Variants in AREG observed in about 807,000 individuals in gnomAD.
AREG encodes the protein amphiregulin.
AREG carries 16 observed loss-of-function variants against 28.0 expected under a neutral mutation model. The ratio of observed to expected loss-of-function variants is 0.57; its 90% CI spans 0.39 to 0.87. The LOEUF is 0.87. Among genes scored for constraint, AREG ranks in the 40% least tolerant of loss-of-function variants. The probability of loss-of-function intolerance (pLI) is 0.00; values close to 1 mark genes in which losing one functional copy is unlikely to be tolerated. For missense variants in AREG, 287 were observed against 309.1 expected (o/e 0.93, Z 0.53); for synonymous variants, 113 against 113.5 (o/e 1.00, Z 0.02).
intron 5 of AREG, 143 bp downstream of exon 5, chr4:74,452,798 A>C (rs905665865): frequency 4.5e-5 from 34 of 752,716 alleles, no homozygotes; most frequent in African/African-American, 4.2e-4. Context: ...TTATTCTTTG[A>C]GTATAAGATG....
At chr4:74,448,598 A>G (rs1719329481) in intron 2 of AREG, 1 of 166,282 alleles carries the variant, frequency 6.0e-6, no homozygotes, top group Non-Finnish European at 1.3e-5. Flanking sequence ...CATAACTGCA[A>G]GACTGAACAA....
intron 3 of AREG, 28 bp downstream of exon 3, chr4:74,449,276 T>C (rs377273255): frequency 0.21 from 344,050 of 1,612,842 alleles, 40,821 homozygotes; most frequent in Admixed American, 0.48. Flanking sequence ...ATATAGAATT[T>C]TGTATTTCTA....
chr4:74,449,260 T>G lies in AREG; in HGVS notation c.512+12T>G. The G allele has an allele frequency of 6.2e-7, 1 of 1,613,506 alleles. No individual in the cohort carries two copies. Among genetic ancestry groups the G allele is most frequent in the African/African-American group, 1.3e-5 (1 of 74,972 alleles). On this transcript the variant is annotated intron_variant, in intron 3 of 5. Coordinates refer to ENST00000395748, the MANE Select transcript of AREG (RefSeq NM_001657.4). ...GCAGTAACATGCAAGTAAGTTTTCC[T>G]AAAGCATATAGAATTTTGTATTTCT...
At position 74,446,718 on chromosome 4, in the gene AREG, C is replaced by A; in HGVS notation, c.246C>A (p.Asp82Glu). 1 of 1,613,982 alleles carries A rather than the reference C, an allele frequency of 6.2e-7. No individual in the cohort carries two copies. The highest frequency in any genetic ancestry group is 8.5e-7 in the Non-Finnish European group (1 of 1,179,876). ...SSEPSSGADY[D>E]YSEEYDNEPQ... The stretch of plus-strand genomic sequence containing the variant: ...AACCGTCCTCGGGAGCCGACTATGA[C>A]TACTCAGAAGAGTATGATAACGAAC... The change falls in exon 2 of 6, where the codon GAC (aspartate) becomes GAA (glutamate). Residue 82 changes from aspartate to glutamate, a missense_variant. Coordinates refer to ENST00000395748, the MANE Select transcript of AREG (RefSeq NM_001657.4).
chr4:74,454,887 C>T lies in AREG; in HGVS notation c.*147C>T. On this transcript the variant is annotated 3_prime_UTR_variant, in exon 6 of 6. Coordinates refer to ENST00000395748, the MANE Select transcript of AREG (RefSeq NM_001657.4). ...AAACTTTCAATTGTCACTTTTTATG[C>T]TATTTCTGTATATAAAGGTGCACGA... 4.3e-6 allele frequency: 3 copies of T among 698,244 alleles called. No homozygotes were observed. The highest frequency in any genetic ancestry group is 2.6e-6 in the Non-Finnish European group (1 of 382,696). The allele number at this position is 698,244 out of a possible 1,614,324, so 43.3% of individuals were successfully genotyped here.
intron 4 of AREG, among the ~76,000 whole-genome samples, 168 bp from the exon 5 acceptor site, chr4:74,452,376 C>G (rs1350613406): frequency 6.6e-6 from 1 of 152,132 alleles, no homozygotes; most frequent in Non-Finnish European, 1.5e-5. Context: ...TAAATACCCC[C>G]TTAGAAATTG....
chr4:74,445,298 G>C lies in AREG; in HGVS notation c.-48G>C, dbSNP rs1228466324. 2.5e-6 allele frequency: 4 copies of C among 1,596,050 alleles called. No individual in the cohort carries two copies. In the East Asian group the frequency reaches 6.8e-5, roughly 27 times the overall value. The stretch of plus-strand genomic sequence containing the variant: ...CGTTTTGGCGGCAGCTCGTGTCCCA[G>C]AGACCGAGTTGCCCCAGAGACCGAG... On this transcript the variant is annotated 5_prime_UTR_variant, in exon 1 of 6. Transcript: ENST00000395748.
intron 1 of AREG, among the ~76,000 whole-genome samples, chr4:74,445,766 A>T (rs1255684635): frequency 2.6e-5 from 4 of 152,164 alleles, no homozygotes; most frequent in Admixed American, 6.5e-5. Flanking sequence ...CCTCCTGCCT[A>T]ATTCTCCATC....
chr4:74,454,629 C>T (rs1259309837), intron 5 of AREG, 130 bp from the exon 6 acceptor site: 1 of 532,470 alleles, frequency 1.9e-6, no homozygotes. Context: ...AAACGATGTA[C>T]TAGAAAACAA....
chr4:74,454,222 G>A (rs2110413726), intron 5 of AREG, among the ~76,000 whole-genome samples: 1 of 152,322 alleles, frequency 6.6e-6, no homozygotes, highest in African/African-American at 2.4e-5. Context: ...CCACCAGTGT[G>A]AATAAGGATG....
chr4:74,450,870 T>A (rs1414654269), intron 4 of AREG, among the ~76,000 whole-genome samples: 2 of 152,182 alleles, frequency 1.3e-5, no homozygotes, highest in Non-Finnish European at 1.5e-5. Context: ...ATCCTATGCT[T>A]CATCAAGCCT....
chr4:74,445,459 G>A, intron 1 of AREG, 53 bp downstream of exon 1: 1 of 1,577,676 alleles, frequency 6.3e-7, no homozygotes, highest in Non-Finnish European at 8.6e-7. Context: ...GGCAGGTTTT[G>A]CCTCTTGAGT....
intron 4 of AREG, among the ~76,000 whole-genome samples, chr4:74,452,328 T>C (rs1363251967): frequency 1.3e-5 from 2 of 152,290 alleles, no homozygotes; most frequent in Admixed American, 1.3e-4. Flanking sequence ...CACATTTAAA[T>C]ATAAGCCCTC....
In AREG at chr4:74,454,790, G is replaced by A. The variant is rs991546379; in HGVS notation, c.*50G>A. The A allele has an allele frequency of 1.4e-6, 1 of 699,344 alleles. No homozygotes were observed. The highest frequency in any genetic ancestry group is 1.5e-5 in the South Asian group (1 of 67,162). The allele number at this position is 699,344 out of a possible 1,614,324, so 43.3% of individuals were successfully genotyped here. A position where few individuals can be genotyped will look rare whatever the true frequency, so the allele number is the denominator to read the frequency against. Reference sequence around the variant, plus strand: ...ACATTGGAGTCACTGCCAAGTCATAGCCATAAATGATGAGTCGGTCCTCTT... The same window carrying A: ...ACATTGGAGTCACTGCCAAGTCATAACCATAAATGATGAGTCGGTCCTCTT... On this transcript the variant is annotated 3_prime_UTR_variant, in exon 6 of 6. Coordinates refer to ENST00000395748, the MANE Select transcript of AREG (RefSeq NM_001657.4).
chr4:74,454,966 G>GTGTATTTATT lies in AREG; in HGVS notation c.*228_*237dup, dbSNP rs1719441705. ...ATAATTTATTTAATATTTAATGGAAGTGTATTTATTTTACAGCTCATTAAA... is the reference window on the plus strand; with the variant it reads ...ATAATTTATTTAATATTTAATGGAAGTGTATTTATTTGTATTTATTTTACAGCTCATTAAA... On this transcript the variant is annotated 3_prime_UTR_variant, in exon 6 of 6. Coordinates refer to ENST00000395748, the MANE Select transcript of AREG (RefSeq NM_001657.4). The GTGTATTTATT allele has an allele frequency of 3.2e-6, 2 of 618,300 alleles. No homozygotes were observed. The highest frequency in any genetic ancestry group is 5.7e-6 in the Non-Finnish European group (2 of 349,232). 38.3% of individuals were successfully genotyped at this position (618,300 alleles called of 1,614,324 possible).
Position 74,454,840 on chromosome 4 carries a change from C to T in AREG, c.*100C>T, listed in dbSNP as rs929572267. On this transcript the variant is annotated 3_prime_UTR_variant, in exon 6 of 6. Coordinates refer to ENST00000395748, the MANE Select transcript of AREG (RefSeq NM_001657.4). ...TTCCAGTGGATCATAAGACAATGGA[C>T]CCTTTTTGTTATGATGGTTTTAAAC... 1.4e-6 allele frequency: 1 copy of T among 699,916 alleles called. No individual in the cohort carries two copies. The highest frequency in any genetic ancestry group is 2.0e-5 in the Admixed American group (1 of 49,942). 43.4% of individuals were successfully genotyped at this position (699,916 alleles called of 1,614,324 possible). A position where few individuals can be genotyped will look rare whatever the true frequency, so the allele number is the denominator to read the frequency against.
In AREG at chr4:74,446,776, G is replaced by C. The variant is rs1445986637; in HGVS notation, c.304G>C (p.Val102Leu). ...QIPGYIVDDS[V>L]RVEQVVKPPQ... Reference sequence around the variant, plus strand: ...ACCTGGCTATATTGTCGATGATTCAGTCAGAGGTGAGTAGGGGATAAAGCA... The same window carrying C: ...ACCTGGCTATATTGTCGATGATTCACTCAGAGGTGAGTAGGGGATAAAGCA... The change falls in exon 2 of 6, where the codon GTC becomes CTC. Residue 102 changes from valine to leucine, a missense_variant. Physicochemically the swap from Val to Leu is conservative, Grantham distance 32. Transcript: ENST00000395748. 3.7e-6 allele frequency: 6 copies of C among 1,613,864 alleles called. No individual in the cohort carries two copies. The highest frequency in any genetic ancestry group is 5.1e-6 in the Non-Finnish European group (6 of 1,179,870).
intron 2 of AREG, 135 bp downstream of exon 2, chr4:74,446,917 CTG>C (rs2110410934): frequency 6.4e-7 from 1 of 1,565,356 alleles, no homozygotes; most frequent in South Asian, 1.2e-5. Context: ...CCTAGGTAAA[CTG>C]TGACAAAAAG....
intron 3 of AREG, 39 bp from the exon 4 acceptor site, chr4:74,450,341 T>C (rs768788345): frequency 2.5e-6 from 4 of 1,613,762 alleles, no homozygotes; most frequent in South Asian, 2.2e-5. Flanking sequence ...ACACCGCACG[T>C]TTTTGTGATT....
Sources: gnomAD v4.1 joint callset for allele counts (sites outside exome capture counted in the v4.1 genomes callset) on GRCh38, gnomAD v4.1.1 for gene constraint, MANE v1.5 for transcripts, NCBI Gene and HGNC (gene_info 2026-07-23, HGNC 2026-07-21) for gene names.